The following MYO1D variants were observed in gnomAD, a reference collection of about 807,000 sequenced individuals.
MYO1D encodes the protein unconventional myosin-Id.
MYO1D carries 83 observed loss-of-function variants against 122.0 expected under a neutral mutation model. That is an observed-to-expected ratio of 0.68 (90% CI 0.57 to 0.82). The LOEUF is 0.82. Ranked by LOEUF, MYO1D falls within the 40% of genes least tolerant of loss-of-function variation. MYO1D has a pLI of 0.00. For synonymous variants in MYO1D, 464 were observed against 446.9 expected (o/e 1.04, Z -0.48); for missense variants, 1,157 against 1,269.5 (o/e 0.91, Z 1.35).
intron 16 of MYO1D, 24 bp from the exon 17 acceptor site, chr17:32,659,362 G>T (rs2088524827): frequency 1.9e-6 from 3 of 1,610,164 alleles, no homozygotes; most frequent in African/African-American, 2.7e-5. Context: ...AAAGAAAAAG[G>T]AAAACGTTAT....
At chr17:32,577,496 G>A (rs920146546) in intron 21 of MYO1D, among the ~76,000 whole-genome samples, 5 of 152,138 alleles carry the variant, frequency 3.3e-5, no homozygotes, top group African/African-American at 1.2e-4. Context: ...TTTGTCAGGT[G>A]CTGAGATGTT....
chr17:32,702,669 G>A (rs572904616), intron 16 of MYO1D, among the ~76,000 whole-genome samples: 56 of 152,256 alleles, frequency 3.7e-4, no homozygotes, highest in African/African-American at 1.3e-3. Flanking sequence ...GAATCTACCA[G>A]ATAGGCAAAA....
At chr17:32,539,105 C>G (rs1910753126) in intron 21 of MYO1D, among the ~76,000 whole-genome samples, 1 of 152,066 alleles carries the variant, frequency 6.6e-6, no homozygotes, top group African/African-American at 2.4e-5. Context: ...TATCCTGGAA[C>G]TTAAAATAAA....
chr17:32,630,514 A>C lies in MYO1D; in HGVS notation c.2709+8208T>G, dbSNP rs551938862. 5.9e-5 allele frequency among the ~76,000 whole-genome samples: 9 copies of C among 152,314 alleles called. No homozygotes were observed. The South Asian group carries it at 1.9e-3, about 32-fold the overall frequency. The stretch of plus-strand genomic sequence containing the variant: ...AGACTAGGTGGCTTAAACAGCAGAA[A>C]TGTATTTCCTTGAAGTTCTGGAGGC... On this transcript the variant is annotated intron_variant, in intron 20 of 21. Coordinates refer to ENST00000318217, the MANE Select transcript of MYO1D (RefSeq NM_015194.3).
chr17:32,586,229 C>T (rs1227378528), intron 21 of MYO1D, among the ~76,000 whole-genome samples: 1 of 152,172 alleles, frequency 6.6e-6, no homozygotes, highest in Non-Finnish European at 1.5e-5. Flanking sequence ...CTATGTCCCT[C>T]ATCCTCTTAA....
At position 32,775,887 on chromosome 17, in the gene MYO1D, T is replaced by A. The variant is rs1054526173; in HGVS notation, c.541A>T (p.Ile181Phe). 6.2e-7 allele frequency: 1 copy of A among 1,612,576 alleles called. No homozygotes were observed. The highest frequency in any genetic ancestry group is 1.3e-5 in the African/African-American group (1 of 75,016). Reference sequence around the variant, plus strand: ...ACCTTTTCTAGTAAGTAGTTATTGATATGCCCACCAATAGGGTCACCCTTG... The same window carrying A: ...ACCTTTTCTAGTAAGTAGTTATTGAAATGCCCACCAATAGGGTCACCCTTG... ...DFKGDPIGGH[I>F]NNYLLEKSRV... Residue 181 changes from isoleucine (I) to phenylalanine (F), a missense_variant, in exon 4 of 22, where the codon ATC becomes TTC. By Grantham distance (21) the Ile-to-Phe change is conservative. Transcript: ENST00000318217.
intron 16 of MYO1D, among the ~76,000 whole-genome samples, chr17:32,667,631 G>A (rs2088654411): frequency 6.6e-6 from 1 of 152,188 alleles, no homozygotes. Context: ...CCGTCCTGAT[G>A]AACTTAACTA....
intron 1 of MYO1D, among the ~76,000 whole-genome samples, chr17:32,801,367 CAG>C (rs2090458992): frequency 6.6e-6 from 1 of 152,160 alleles, no homozygotes; most frequent in Non-Finnish European, 1.5e-5. Flanking sequence ...GTATATTTGG[CAG>C]AGACAGGGCT....
intron 1 of MYO1D, among the ~76,000 whole-genome samples, chr17:32,848,826 A>T (rs1208908628): frequency 6.6e-6 from 1 of 152,128 alleles, no homozygotes; most frequent in Non-Finnish European, 1.5e-5. Flanking sequence ...CATGTCTCAT[A>T]TTTGTTCCTT....
At chr17:32,580,845 T>C (rs1333978069) in intron 21 of MYO1D, among the ~76,000 whole-genome samples, 3 of 152,244 alleles carry the variant, frequency 2.0e-5, no homozygotes, top group South Asian at 2.1e-4. Context: ...AAATGCTAAA[T>C]TGGATGCACT....
At chr17:32,777,768 C>A (rs1254446548) in intron 3 of MYO1D, among the ~76,000 whole-genome samples, 1 of 151,640 alleles carries the variant, frequency 6.6e-6, no homozygotes, top group Admixed American at 6.6e-5. Flanking sequence ...CCCGTCTCTA[C>A]TAAAAACACA....
chr17:32,826,048 TAAAAAAAAA>T (rs5819999), intron 1 of MYO1D, among the ~76,000 whole-genome samples: 1 of 119,514 alleles, frequency 8.4e-6, no homozygotes, highest in African/African-American at 3.2e-5. Flanking sequence ...AACTCCATCT[TAAAAAAAAA>T]AAAAAAAAAA....
chr17:32,553,006 G>T (rs1344361007), intron 21 of MYO1D, among the ~76,000 whole-genome samples: 1 of 150,360 alleles, frequency 6.7e-6, no homozygotes, highest in Non-Finnish European at 1.5e-5. Flanking sequence ...GGAGGCTGAG[G>T]CAGGAGGACT....
chr17:32,812,432 G>C (rs1464196940), intron 1 of MYO1D, among the ~76,000 whole-genome samples: 2 of 152,202 alleles, frequency 1.3e-5, no homozygotes, highest in Non-Finnish European at 2.9e-5. Flanking sequence ...GGACAAGAGA[G>C]GTCTAGTAAC....
rs5819986 is a variant in MYO1D, at chr17:32,539,276, TACACACACACAC to T, written c.2865-44373_2865-44362del. ...AGGTGACGTAGGAAGACCCTGTCTC[TACACACACACAC>T]ACACACACACACACACACACACACA... On this transcript the variant is annotated intron_variant, in intron 21 of 21. Coordinates refer to ENST00000318217, the MANE Select transcript of MYO1D (RefSeq NM_015194.3). Among the ~76,000 whole-genome samples the T allele has an allele frequency of 1.9e-3, 247 of 133,502 alleles. 1 individual carries two copies. The highest frequency in any genetic ancestry group is 0.011 in the Middle Eastern group (3 of 282). 87.6% of individuals were successfully genotyped at this position (133,502 alleles called of 152,430 possible).
intron 16 of MYO1D, among the ~76,000 whole-genome samples, chr17:32,662,410 C>A (rs114626739): frequency 6.6e-6 from 1 of 152,170 alleles, no homozygotes; most frequent in African/African-American, 2.4e-5. Flanking sequence ...CGGTGGCTCA[C>A]GCCTGTAATC....
intron 16 of MYO1D, among the ~76,000 whole-genome samples, chr17:32,693,383 G>GT (rs2089130089): frequency 7.5e-6 from 1 of 133,078 alleles, no homozygotes; most frequent in Admixed American, 7.6e-5. Context: ...AACACCTCAA[G>GT]TAAAAAAAAA....
rs1326363542 is a variant in MYO1D at position 32,755,409 on chromosome 17, C to T, written c.1467+83G>A. 7 of 1,373,150 alleles carry T rather than the reference C, an allele frequency of 5.1e-6. No individual in the cohort carries two copies. In the East Asian group the frequency reaches 9.4e-5, roughly 19 times the overall value. The allele number at this position is 1,373,150 out of a possible 1,614,324, so 85.1% of individuals were successfully genotyped here. ...TATTAAAGGGGACATTCTTTTATCC[C>T]AACATATAAAGTCGTTGAACTCCAT... is the stretch of plus-strand genomic sequence containing the variant. On this transcript the variant is annotated intron_variant, in intron 11 of 21. Coordinates refer to ENST00000318217, the MANE Select transcript of MYO1D (RefSeq NM_015194.3).
chr17:32,562,573 C>T (rs964006502), intron 21 of MYO1D, among the ~76,000 whole-genome samples: 4 of 152,006 alleles, frequency 2.6e-5, no homozygotes, highest in African/African-American at 9.7e-5. Context: ...GCCTTGACCT[C>T]CTGGGCTCAA....
Sources: allele counts gnomAD v4.1 joint callset (sites outside exome capture counted in the v4.1 genomes callset), GRCh38; gene constraint gnomAD v4.1.1; transcripts MANE v1.5; gene names NCBI Gene and HGNC (gene_info 2026-07-23, HGNC 2026-07-21).